Variants in SEPSECS observed in about 807,000 individuals in gnomAD.
SEPSECS encodes Sep (O-phosphoserine) tRNA:Sec (selenocysteine) tRNA synthase.
In SEPSECS, 42 loss-of-function variants were observed where a neutral mutation model predicts 52.1. That is an observed-to-expected ratio of 0.81 (90% CI 0.63 to 1.04). SEPSECS has a LOEUF of 1.04. Ranked by LOEUF, SEPSECS falls within the 50% of genes least tolerant of loss-of-function variation. The pLI, the probability that SEPSECS is intolerant of heterozygous loss-of-function variation, is 0.00. For missense variants in SEPSECS, 590 were observed against 610.6 expected (o/e 0.97, Z 0.36); for synonymous variants, 216 against 211.4 (o/e 1.02, Z -0.19).
Position 25,121,086 on chromosome 4 carries a change from AT to A in SEPSECS, c.*2844del, listed in dbSNP as rs1329030763. On this transcript the variant is annotated 3_prime_UTR_variant, in exon 11 of 11. Coordinates refer to ENST00000382103, the MANE Select transcript of SEPSECS (RefSeq NM_016955.4). The stretch of plus-strand genomic sequence containing the variant: ...GTGCCTATTGGCTGAACAGAACTGT[AT>A]TCAATAATTCATATTCTATAACTTC... 1 of 152,156 alleles carries A rather than the reference AT, an allele frequency of 6.6e-6. No homozygotes were observed. The highest frequency in any genetic ancestry group is 1.5e-5 in the Non-Finnish European group (1 of 67,986). The allele number at this position is 152,156 out of a possible 1,614,324, so 9.4% of individuals were successfully genotyped here.
chr4:25,125,461 A>C, intron 10 of SEPSECS: 1 of 540,218 alleles, frequency 1.9e-6, no homozygotes, highest in Non-Finnish European at 3.3e-6. Context: ...GGTTCTGTAC[A>C]TCTATGAAAA....
chr4:25,152,070 C>T lies in SEPSECS; in HGVS notation c.702-8G>A, dbSNP rs759667438. On this transcript the variant is annotated splice_region_variant and splice_polypyrimidine_tract_variant and intron_variant, in intron 5 of 10. Coordinates refer to ENST00000382103, the MANE Select transcript of SEPSECS (RefSeq NM_016955.4). Reference sequence around the variant, plus strand: ...ACAGCCAGTTCTTCTAATCTATAAACATAAATATTCAATAGAAAGACATAC... The same window carrying T: ...ACAGCCAGTTCTTCTAATCTATAAATATAAATATTCAATAGAAAGACATAC... 3.6e-6 allele frequency: 5 copies of T among 1,407,434 alleles called. No homozygotes were observed. In the South Asian group the frequency reaches 4.6e-5, roughly 13 times the overall value. The allele number at this position is 1,407,434 out of a possible 1,614,324, so 87.2% of individuals were successfully genotyped here.
chr4:25,159,240 C>T, intron 1 of SEPSECS, 133 bp from the exon 2 acceptor site: 1 of 757,666 alleles, frequency 1.3e-6, no homozygotes, highest in Non-Finnish European at 2.1e-6. Context: ...AGCATAAATT[C>T]ACCACTGTAT....
rs897489312 is a variant in SEPSECS, at chr4:25,123,731, A to C, written c.*200T>G. On this transcript the variant is annotated 3_prime_UTR_variant, in exon 11 of 11. Coordinates refer to ENST00000382103, the MANE Select transcript of SEPSECS (RefSeq NM_016955.4). ...TGCTAATTGTATATTATAACCTGTT[A>C]AGGATCACAAGGATTGATGCAGTCT... is the stretch of plus-strand genomic sequence containing the variant. 2.0e-5 allele frequency: 12 copies of C among 587,976 alleles called. No homozygotes were observed. The highest frequency in any genetic ancestry group is 3.3e-5 in the Non-Finnish European group (11 of 329,162). 36.4% of individuals were successfully genotyped at this position (587,976 alleles called of 1,614,324 possible). A position where few individuals can be genotyped will look rare whatever the true frequency, so the allele number is the denominator to read the frequency against.
At chr4:25,136,020 C>T (rs182062018) in intron 8 of SEPSECS, among the ~76,000 whole-genome samples, 24 of 152,286 alleles carry the variant, frequency 1.6e-4, no homozygotes, top group African/African-American at 5.8e-4. Context: ...ATGTTAAAAA[C>T]TCTCAATAAA....
At chr4:25,160,073 G>C in intron 1 of SEPSECS, 183 bp downstream of exon 1, 1 of 985,410 alleles carries the variant, frequency 1.0e-6, no homozygotes, top group Non-Finnish European at 1.2e-6. Flanking sequence ...GCTTTCACTG[G>C]CTTTGGCAAG....
At chr4:25,160,140 T>G in intron 1 of SEPSECS, 116 bp downstream of exon 1, 1 of 1,508,488 alleles carries the variant, frequency 6.6e-7, no homozygotes, top group Non-Finnish European at 8.9e-7. Flanking sequence ...TGAGACAGAC[T>G]TGGGACTAGT....
intron 10 of SEPSECS, among the ~76,000 whole-genome samples, chr4:25,124,435 G>T (rs557295865): frequency 6.6e-6 from 1 of 151,968 alleles, no homozygotes; most frequent in African/African-American, 2.4e-5. Context: ...GTCCTGCCTC[G>T]TGATTATCGT....
intron 10 of SEPSECS, chr4:25,125,463 C>T (rs917580462): frequency 1.8e-6 from 1 of 542,116 alleles, no homozygotes; most frequent in Non-Finnish European, 3.3e-6. Context: ...TTCTGTACAT[C>T]TATGAAAACA....
intron 5 of SEPSECS, 68 bp from the exon 6 acceptor site, chr4:25,152,130 TTTTTTAAAAA>T (rs1712343795): frequency 4.0e-6 from 4 of 1,005,652 alleles, no homozygotes; most frequent in Non-Finnish European, 6.3e-6. Flanking sequence ...GTGCAGAAAG[TTTTTTAAAAA>T]TTTAATAGTT....
rs543342682 is a variant in SEPSECS at position 25,129,469 on chromosome 4, C to A, written c.1027-2112G>T. ...TGAAACCCCTTATCTACTGAAAATACAAAATTAGCCAGGCATGGTGGTGTG... is the reference window on the plus strand; with the variant it reads ...TGAAACCCCTTATCTACTGAAAATAAAAAATTAGCCAGGCATGGTGGTGTG... On this transcript the variant is annotated intron_variant, in intron 8 of 10. Transcript: ENST00000382103. 2.0e-5 allele frequency among the ~76,000 whole-genome samples: 3 copies of A among 150,344 alleles called. No homozygotes were observed. The South Asian group carries it at 6.5e-4, about 33-fold the overall frequency.
chr4:25,159,705 G>A, intron 1 of SEPSECS: 1 of 664,078 alleles, frequency 1.5e-6, no homozygotes, highest in South Asian at 2.4e-5. Context: ...CCGGGAGGCG[G>A]AGGCTGCAGT....
Position 25,145,098 on chromosome 4 carries a change from C to T in SEPSECS, c.840G>A (p.Gln280=), listed in dbSNP as rs556572775. The T allele has an allele frequency of 6.2e-7, 1 of 1,613,834 alleles. No homozygotes were observed. Among genetic ancestry groups the T allele is most frequent in the African/African-American group, 1.3e-5 (1 of 74,974 alleles). ...ARVGRIDAFV[Q]SLDKNFMVPV... ...GAACCATAAAATTTTTGTCCAAGCT[C>T]TGAACAAAAGCATCTATTCTACCAA... The change falls in exon 7 of 11, where the codon CAG becomes CAA. Residue 280 remains glutamine (Q), a synonymous_variant. Transcript: ENST00000382103.
Position 25,160,316 on chromosome 4 carries a change from C to T in SEPSECS, c.54G>A (p.Val18=). 3.9e-6 allele frequency: 6 copies of T among 1,549,118 alleles called. No homozygotes were observed. Among genetic ancestry groups the T allele is most frequent in the Non-Finnish European group, 5.2e-6 (6 of 1,146,128 alleles). Residue 18 remains valine (V), a synonymous_variant, in exon 1 of 11, where the codon GTG becomes GTA. Transcript: ENST00000382103. ...AGERLVSPAY[V]RQGCEARRSH... ...AGCGGCGGGCCTCACAGCCCTGCCG[C>T]ACGTAAGCCGGCGACACCAGCCGCT... is the stretch of plus-strand genomic sequence containing the variant.
intron 8 of SEPSECS, among the ~76,000 whole-genome samples, chr4:25,128,925 G>A (rs1179794089): frequency 6.6e-6 from 1 of 152,062 alleles, no homozygotes; most frequent in Non-Finnish European, 1.5e-5. Flanking sequence ...TCCATCTTTT[G>A]TTAGGTAAAG....
chr4:25,138,242 G>T (rs971892166), intron 8 of SEPSECS, among the ~76,000 whole-genome samples: 7 of 152,044 alleles, frequency 4.6e-5, no homozygotes, highest in African/African-American at 1.7e-4. Flanking sequence ...AGTCTTAAAA[G>T]TTACTATCTA....
rs899172385 is a variant in SEPSECS at position 25,122,237 on chromosome 4, C to G, written c.*1694G>C. 2 of 152,098 alleles carry G rather than the reference C, an allele frequency of 1.3e-5. No individual in the cohort carries two copies. Among genetic ancestry groups the G allele is most frequent in the Admixed American group, 1.3e-4 (2 of 15,250 alleles). 9.4% of individuals were successfully genotyped at this position (152,098 alleles called of 1,614,324 possible). On this transcript the variant is annotated 3_prime_UTR_variant, in exon 11 of 11. Transcript: ENST00000382103. Reference sequence around the variant, plus strand: ...ATATTCATAGTTAAATACTTCATCTCAAAATAGTCATTGACTTCCAAGGTG... The same window carrying G: ...ATATTCATAGTTAAATACTTCATCTGAAAATAGTCATTGACTTCCAAGGTG...
intron 8 of SEPSECS, among the ~76,000 whole-genome samples, chr4:25,139,647 G>C (rs1034294414): frequency 6.6e-6 from 1 of 152,130 alleles, no homozygotes; most frequent in African/African-American, 2.4e-5. Context: ...GCCTCTGAAA[G>C]TTGTGTCTTT....
Position 25,156,789 on chromosome 4 carries a change from G to T in SEPSECS, c.388+67C>A, listed in dbSNP as rs555776586. 2.8e-4 allele frequency: 176 copies of T among 624,362 alleles called. No individual in the cohort carries two copies. In the African/African-American group the frequency reaches 3.0e-3, roughly 11 times the overall value. 38.7% of individuals were successfully genotyped at this position (624,362 alleles called of 1,614,324 possible). ...TTTTTGGAAAGGGGCAATAATAAAT[G>T]AAATGAGTCAGTGGTGTGTGTGTGT... is the stretch of plus-strand genomic sequence containing the variant. On this transcript the variant is annotated intron_variant, in intron 3 of 10. Coordinates refer to ENST00000382103, the MANE Select transcript of SEPSECS (RefSeq NM_016955.4).
Sources: gnomAD v4.1 joint callset for allele counts (sites outside exome capture counted in the v4.1 genomes callset) on GRCh38, gnomAD v4.1.1 for gene constraint, MANE v1.5 for transcripts, NCBI Gene and HGNC (gene_info 2026-07-23, HGNC 2026-07-21) for gene names.